DCAF8L2: variants seen among roughly 807,000 people sequenced by gnomAD.
The protein encoded by DCAF8L2 is DDB1- and CUL4-associated factor 8-like protein 2.
For missense variants in DCAF8L2, 430 were observed against 490.7 expected, an observed-to-expected ratio of 0.88 and a Z score of 1.17; for synonymous variants, 200 against 190.9, an observed-to-expected ratio of 1.05 and a Z score of -0.39.
chrX:27,652,754 T>C (rs1351459465), intron 2 of DCAF8L2, among the ~76,000 whole-genome samples: 1 of 112,170 alleles, frequency 8.9e-6, no homozygotes, highest in Admixed American at 9.5e-5. Flanking sequence ...AGAGCTAATG[T>C]GTTTGTGATC....
At chrX:27,502,335 A>AAAAAAAAAAAATATATAT in the DCAF8L2 span, among the ~76,000 whole-genome samples, 1 of 12,716 alleles carries the variant, frequency 7.9e-5, no homozygotes, top group African/African-American at 2.2e-4. Context: ...AAAAAAAAAA[A>AAAAAAAAAAAATATATAT]ATATATATAT....
chrX:27,668,813 C>G (rs1158634901), intron 2 of DCAF8L2, among the ~76,000 whole-genome samples: 1 of 110,428 alleles, frequency 9.1e-6, no homozygotes, highest in Non-Finnish European at 1.9e-5. Flanking sequence ...ATTAGCCAGG[C>G]GTGGTGGTGG....
intron 2 of DCAF8L2, among the ~76,000 whole-genome samples, chrX:27,646,788 C>T (rs142782927): frequency 0.017 from 1,885 of 110,995 alleles, 46 homozygotes; most frequent in African/African-American, 0.058. Context: ...GACATACATG[C>T]GGCCAACAAA....
chrX:27,517,299 G>C, the DCAF8L2 span, among the ~76,000 whole-genome samples: 1 of 111,153 alleles, frequency 9.0e-6, no homozygotes, highest in Admixed American at 9.6e-5. Context: ...TGGAATTATG[G>C]CTATGGGCAT....
the DCAF8L2 span, among the ~76,000 whole-genome samples, chrX:27,579,655 C>A: frequency 1.1e-5 from 1 of 93,699 alleles, no homozygotes. Context: ...CACACACACA[C>A]ACACACAAAT....
chrX:27,661,286 A>T (rs557093593), intron 2 of DCAF8L2, among the ~76,000 whole-genome samples: 5 of 112,063 alleles, frequency 4.5e-5, no homozygotes, highest in African/African-American at 1.3e-4. Context: ...CTTTGAGCTA[A>T]TCCTGGTTGG....
At chrX:27,644,259 G>A (rs1187594821) in intron 2 of DCAF8L2, among the ~76,000 whole-genome samples, 5 of 112,172 alleles carry the variant, frequency 4.5e-5, no homozygotes, top group Admixed American at 2.8e-4. Context: ...ACACATACAC[G>A]TTTAATTTGT....
rs1449276054 is a variant in DCAF8L2 at position 27,741,861 on chromosome X, C to T, written c.-58-4977C>T. ...AGATCATCAAAACATAGTGTTCCCA[C>T]CTAGGAAGTTAGGAAGTTGTTCTTG... On this transcript the variant is annotated intron_variant, in intron 4 of 4. Transcript: ENST00000451261. Among the ~76,000 whole-genome samples, 4 of 111,956 alleles carry T rather than the reference C, an allele frequency of 3.6e-5. No individual in the cohort carries two copies. The East Asian group carries it at 8.4e-4, about 24-fold the overall frequency.
chrX:27,525,738 T>G, the DCAF8L2 span, among the ~76,000 whole-genome samples: 1 of 111,638 alleles, frequency 9.0e-6, no homozygotes, highest in Non-Finnish European at 1.9e-5. Context: ...TGACAAACTC[T>G]CAGCATTTGC....
chrX:27,742,789 A>G (rs1921931373), intron 4 of DCAF8L2, among the ~76,000 whole-genome samples: 1 of 111,399 alleles, frequency 9.0e-6, no homozygotes, highest in Non-Finnish European at 1.9e-5. Context: ...AATAATTCAT[A>G]ATTTTAGTCT....
intron 2 of DCAF8L2, among the ~76,000 whole-genome samples, chrX:27,667,339 G>T (rs1330419146): frequency 9.0e-6 from 1 of 111,685 alleles, no homozygotes; most frequent in African/African-American, 3.3e-5. Flanking sequence ...ACTAGGTTAG[G>T]TTGTACAGGA....
intron 3 of DCAF8L2, among the ~76,000 whole-genome samples, chrX:27,699,290 C>T (rs1372783295): frequency 1.8e-5 from 2 of 111,251 alleles, no homozygotes; most frequent in African/African-American, 6.5e-5. Flanking sequence ...GAAGACAGCA[C>T]AAAAAGGGCA....
intron 4 of DCAF8L2, among the ~76,000 whole-genome samples, chrX:27,721,619 C>T (rs1274267029): frequency 9.1e-6 from 1 of 110,300 alleles, no homozygotes; most frequent in Admixed American, 9.6e-5. Context: ...AATAAGAAAA[C>T]ATAAGATTGT....
the DCAF8L2 span, among the ~76,000 whole-genome samples, chrX:27,570,103 T>C: frequency 9.0e-6 from 1 of 111,219 alleles, no homozygotes; most frequent in Non-Finnish European, 1.9e-5. Context: ...ACAGGTATGC[T>C]CAGTGCCTCT....
chrX:27,486,575 A>T, the DCAF8L2 span, among the ~76,000 whole-genome samples: 4,658 of 111,446 alleles, frequency 0.042, 167 homozygotes, highest in African/African-American at 0.12. Flanking sequence ...AAATTAATGA[A>T]GTTTTGAAGT....
the DCAF8L2 span, among the ~76,000 whole-genome samples, chrX:27,544,985 T>C: frequency 8.9e-6 from 1 of 112,238 alleles, no homozygotes; most frequent in East Asian, 2.8e-4. Flanking sequence ...CAGCATTATA[T>C]TAGGTCTAGA....
chrX:27,552,005 T>G, the DCAF8L2 span, among the ~76,000 whole-genome samples: 1 of 112,244 alleles, frequency 8.9e-6, no homozygotes. Context: ...TGTTATATTT[T>G]TTTTCTTTTT....
At chrX:27,607,942 T>A (rs1926982277) in intron 1 of DCAF8L2, among the ~76,000 whole-genome samples, 1 of 111,830 alleles carries the variant, frequency 8.9e-6, no homozygotes, top group Non-Finnish European at 1.9e-5. Context: ...TGTTAGAAAT[T>A]GAAGAATAAT....
rs573586652 is a variant in DCAF8L2, at chrX:27,636,107, G to A, written c.-220+4107G>A. On this transcript the variant is annotated intron_variant, in intron 2 of 4. Coordinates refer to ENST00000451261, the MANE Select transcript of DCAF8L2 (RefSeq NM_001353450.2). ...GCTGGGATTACAGGTGTGAGCCACC[G>A]TGCCCGGCCAGAAATTTCTATTAAT... is the stretch of plus-strand genomic sequence containing the variant. Among the ~76,000 whole-genome samples the A allele has an allele frequency of 2.3e-4, 26 of 111,230 alleles. 1 individual carries two copies. The South Asian group carries it at 8.7e-3, about 37-fold the overall frequency.
Sources: gnomAD v4.1 joint callset for allele counts (sites outside exome capture counted in the v4.1 genomes callset) on GRCh38, gnomAD v4.1.1 for gene constraint, MANE v1.5 for transcripts, NCBI Gene and HGNC (gene_info 2026-07-23, HGNC 2026-07-21) for gene names.